The following PYROXD2 variants were observed in gnomAD, a reference collection of about 807,000 sequenced individuals.
PYROXD2 encodes pyridine nucleotide-disulphide oxidoreductase domain 2.
A neutral mutation model predicts 71.1 loss-of-function variants in PYROXD2; 69 were observed. The ratio of observed to expected loss-of-function variants is 0.97; its 90% CI spans 0.80 to 1.19. PYROXD2 has a LOEUF of 1.19. PYROXD2 is among the 50% of genes most tolerant of loss of function. The pLI is 0.00. For missense variants in PYROXD2, 745 were observed against 748.9 expected (o/e 0.99, Z 0.06); for synonymous variants, 287 against 302.7 (o/e 0.95, Z 0.54).
rs148254477 is a variant in PYROXD2, at chr10:98,383,842, G to A, written c.1702C>T (p.Arg568Ter). ...CTAAAGGCCACATGTGCTGCATTTC[G>A]CCCAGCAGCTCCCATCACACCTCCT... ...PGGGVMGAAGRNAAHVAFRDL... is the reference protein window; with the variant it reads ...PGGGVMGAAG Residue 568 changes from arginine to a stop codon, truncating the protein, a stop_gained, in exon 16 of 16, where the codon CGA becomes TGA. Transcript: ENST00000370575. LOFTEE classifies it high-confidence loss of function. 1,026 of 1,613,722 alleles carry A rather than the reference G, an allele frequency of 6.4e-4. 12 individuals are homozygous for A. The South Asian group carries it at 0.01, about 16-fold the overall frequency.
intron 14 of PYROXD2, among the ~76,000 whole-genome samples, chr10:98,386,197 C>A (rs2135913377): frequency 6.6e-6 from 1 of 151,088 alleles, no homozygotes; most frequent in South Asian, 2.1e-4. Flanking sequence ...GGATGGATGG[C>A]TTCAGCCCCA....
rs748797615 is a variant in PYROXD2, at chr10:98,395,181, AC to A, written c.785+14del. ...ATGCCCCACTCCTGTGTCCCACCTC[AC>A]CCCCCTCACTCACCCACTCCCCGGA... is the stretch of plus-strand genomic sequence containing the variant. On this transcript the variant is annotated intron_variant, in intron 8 of 15. Coordinates refer to ENST00000370575, the MANE Select transcript of PYROXD2 (RefSeq NM_032709.3). 56 of 1,607,430 alleles carry A rather than the reference AC, an allele frequency of 3.5e-5. No individual in the cohort carries two copies. Among genetic ancestry groups the A allele is most frequent in the Non-Finnish European group, 4.3e-5 (51 of 1,174,926 alleles).
Position 98,397,514 on chromosome 10 carries a change from G to GTA in PYROXD2, c.472-17_472-16insTA. On this transcript the variant is annotated splice_polypyrimidine_tract_variant and intron_variant, in intron 5 of 15. Transcript: ENST00000370575. ...TGGGAAAGACCTGGAACAGAGCTCT[G>GTA]CATTAAGGCCCCACTGTCCACATCC... 6.3e-7 allele frequency: 1 copy of GTA among 1,576,468 alleles called. No homozygotes were observed. Among genetic ancestry groups the GTA allele is most frequent in the Non-Finnish European group, 8.7e-7 (1 of 1,155,622 alleles).
chr10:98,393,945 G>C (rs1057164861), intron 8 of PYROXD2, among the ~76,000 whole-genome samples: 2 of 151,980 alleles, frequency 1.3e-5, no homozygotes, highest in South Asian at 2.1e-4. Flanking sequence ...CTGTTCTGTC[G>C]GCCTGAAGCC....
intron 13 of PYROXD2, chr10:98,388,030 GCCTTCCTTGTCTCT>G (rs1842813987): frequency 6.9e-6 from 2 of 288,606 alleles, no homozygotes; most frequent in Admixed American, 9.9e-5. Context: ...TCCTTTGAAA[GCCTTCCTTGTCTCT>G]CTGGCTCATG....
chr10:98,399,364 T>C lies in PYROXD2; in HGVS notation c.471+738A>G, dbSNP rs376654463. ...ATGTCTCCACTGAGATATGATTTAA[T>C]GCTACATCTCAGCTAATATCCAGGC... On this transcript the variant is annotated intron_variant, in intron 5 of 15. Transcript: ENST00000370575. Among the ~76,000 whole-genome samples, 90 of 152,340 alleles carry C rather than the reference T, an allele frequency of 5.9e-4. No homozygotes were observed. The East Asian group carries it at 0.014, about 24-fold the overall frequency.
intron 13 of PYROXD2, 164 bp downstream of exon 13, chr10:98,388,190 C>T: frequency 1.5e-6 from 1 of 672,890 alleles, no homozygotes. Context: ...CAGTTCCTGA[C>T]CCCTGCAGTC....
intron 8 of PYROXD2, among the ~76,000 whole-genome samples, chr10:98,393,651 C>G (rs1564797648): frequency 1.3e-5 from 2 of 152,080 alleles, no homozygotes; most frequent in African/African-American, 2.4e-5. Flanking sequence ...TGCAGTAGTG[C>G]CCCTCATTGG....
intron 13 of PYROXD2, chr10:98,388,031 C>A: frequency 3.4e-6 from 1 of 290,008 alleles, no homozygotes. Flanking sequence ...CCTTTGAAAG[C>A]CTTCCTTGTC....
rs199751908 is a variant in PYROXD2, at chr10:98,400,128, C to T, written c.445G>A (p.Ala149Thr). 6.1e-5 allele frequency: 99 copies of T among 1,613,660 alleles called. No individual in the cohort carries two copies. Among genetic ancestry groups the T allele is most frequent in the Admixed American group, 3.3e-4 (20 of 59,988 alleles). Residue 149 changes from alanine to threonine, a missense_variant, in exon 5 of 16, where the codon GCC becomes ACC. Coordinates refer to ENST00000370575, the MANE Select transcript of PYROXD2 (RefSeq NM_032709.3). Reference protein sequence around the residue: ...TDMAENQKQIAQFSQKDAQVF... With the variant: ...TDMAENQKQITQFSQKDAQVF... ...TGGGCATCCTTCTGGGAGAACTGGG[C>T]GATCTGCTTCTGGTTTTCTGCCATG... is the stretch of plus-strand genomic sequence containing the variant.
At chr10:98,409,474 C>T (rs1173700376) in intron 2 of PYROXD2, among the ~76,000 whole-genome samples, 1 of 152,206 alleles carries the variant, frequency 6.6e-6, no homozygotes, top group Non-Finnish European at 1.5e-5. Context: ...CCCGAGGTTC[C>T]CCTGATGTGA....
Position 98,400,232 on chromosome 10 carries a change from C to T in PYROXD2, c.341G>A (p.Arg114Gln), listed in dbSNP as rs376182470. 1.1e-4 allele frequency: 172 copies of T among 1,611,442 alleles called. No homozygotes were observed. The highest frequency in any genetic ancestry group is 6.6e-4 in the Middle Eastern group (4 of 6,048). The change falls in exon 5 of 16, where the codon CGA becomes CAA. Residue 114 changes from arginine to glutamine, a missense_variant. Coordinates refer to ENST00000370575, the MANE Select transcript of PYROXD2 (RefSeq NM_032709.3). ...CATGGGGGTGAAGGAGTAGGGGTTT[C>T]GAAGATGAAGCCTCAGCCCATGTTT... ...LKKHGLRLHL[R>Q]NPYSFTPMLE...
intron 6 of PYROXD2, among the ~76,000 whole-genome samples, chr10:98,396,123 A>T (rs530035954): frequency 7.2e-5 from 11 of 152,206 alleles, no homozygotes; most frequent in African/African-American, 2.2e-4. Context: ...TTTGCAATGT[A>T]TAAGTCTGCA....
In PYROXD2 at chr10:98,391,052, T is replaced by G. The variant is rs759025605; in HGVS notation, c.1093A>C (p.Ile365Leu). 6.2e-7 allele frequency: 1 copy of G among 1,613,092 alleles called. No individual in the cohort carries two copies. Among genetic ancestry groups the G allele is most frequent in the South Asian group, 1.1e-5 (1 of 91,054 alleles). Reference sequence around the variant, plus strand: ...GGCGACCGGGTGTCCAGCTGAGAGATTCTCTCCAGGAACTCCTCAGGAAGC... The same window carrying G: ...GGCGACCGGGTGTCCAGCTGAGAGAGTCTCTCCAGGAACTCCTCAGGAAGC... ...EWLPEEFLER[I>L]SQLDTRSPVT... Residue 365 changes from isoleucine (I) to leucine (L), a missense_variant, in exon 11 of 16, where the codon ATC (isoleucine) becomes CTC (leucine). Ile to Leu is a conservative substitution (Grantham distance 5, BLOSUM62 2). Transcript: ENST00000370575.
In PYROXD2 at chr10:98,383,768, T is replaced by C; in HGVS notation, c.*30A>G. 1 of 1,602,726 alleles carries C rather than the reference T, an allele frequency of 6.2e-7. No homozygotes were observed. Among genetic ancestry groups the C allele is most frequent in the Non-Finnish European group, 8.5e-7 (1 of 1,169,890 alleles). On this transcript the variant is annotated 3_prime_UTR_variant, in exon 16 of 16. Transcript: ENST00000370575. ...GAGCACTTGGAATTCAGGGGTGGAGTCTTCTTCCTGGGTCAGAGCTGGTTC... is the reference window on the plus strand; with the variant it reads ...GAGCACTTGGAATTCAGGGGTGGAGCCTTCTTCCTGGGTCAGAGCTGGTTC...
intron 4 of PYROXD2, among the ~76,000 whole-genome samples, chr10:98,401,215 C>T (rs1020553335): frequency 1.4e-5 from 2 of 146,902 alleles, no homozygotes; most frequent in African/African-American, 5.1e-5. Flanking sequence ...ATTGCCGCCA[C>T]TGCACTCCAG....
rs112430830 is a variant in PYROXD2 at position 98,407,483 on chromosome 10, G to A, written c.315+99C>T. 312 of 1,448,438 alleles carry A rather than the reference G, an allele frequency of 2.2e-4. 1 individual carries two copies. The African/African-American group carries it at 3.7e-3, about 17-fold the overall frequency. 89.7% of individuals were successfully genotyped at this position (1,448,438 alleles called of 1,614,324 possible). ...GGTGGAAGAGGGAGCCCTCAGGGGCGGGCATCACCTCGGGCACAGAACAGG... is the reference window on the plus strand; with the variant it reads ...GGTGGAAGAGGGAGCCCTCAGGGGCAGGCATCACCTCGGGCACAGAACAGG... On this transcript the variant is annotated intron_variant, in intron 4 of 15. Transcript: ENST00000370575.
intron 1 of PYROXD2, among the ~76,000 whole-genome samples, chr10:98,412,282 C>T (rs1843813073): frequency 6.6e-6 from 1 of 152,238 alleles, no homozygotes; most frequent in African/African-American, 2.4e-5. Flanking sequence ...CCAGTGACCA[C>T]CCTCAAGTCC....
chr10:98,395,102 T>C, intron 8 of PYROXD2, 94 bp downstream of exon 8: 1 of 1,048,340 alleles, frequency 9.5e-7, no homozygotes, highest in South Asian at 1.3e-5. Context: ...CTCTGTTAAG[T>C]GGCAGCTGTT....
Sources: allele counts gnomAD v4.1 joint callset (sites outside exome capture counted in the v4.1 genomes callset), GRCh38; gene constraint gnomAD v4.1.1; transcripts MANE v1.5; gene names NCBI Gene and HGNC (gene_info 2026-07-23, HGNC 2026-07-21).